The following ASAP2 variants were observed in gnomAD, a reference collection of about 807,000 sequenced individuals.
ASAP2 encodes arf-GAP with SH3 domain, ANK repeat and PH domain-containing protein 2.
ASAP2 carries 45 observed loss-of-function variants against 131.4 expected under a neutral mutation model. The observed-to-expected ratio is 0.34, with a 90% CI of 0.27 to 0.44. The LOEUF (loss-of-function observed/expected upper bound fraction) is 0.44. Among genes scored for constraint, ASAP2 ranks in the 20% least tolerant of loss-of-function variants. The pLI, the probability that ASAP2 is intolerant of heterozygous loss-of-function variation, is 1.00. For missense variants in ASAP2, 1,011 were observed against 1,297.0 expected, an observed-to-expected ratio of 0.78 and a Z score of 3.39; for synonymous variants, 510 against 503.0, an observed-to-expected ratio of 1.01 and a Z score of -0.19.
intron 1 of ASAP2, among the ~76,000 whole-genome samples, chr2:9,231,569 G>A (rs186674852): frequency 6.6e-5 from 10 of 152,234 alleles, no homozygotes; most frequent in South Asian, 4.1e-4. Context: ...TGAGATGCCC[G>A]GGTGCCGCCA....
intron 11 of ASAP2, 83 bp from the exon 12 acceptor site, chr2:9,350,725 A>G: frequency 8.6e-7 from 1 of 1,162,564 alleles, no homozygotes; most frequent in Non-Finnish European, 1.2e-6. Context: ...CTGTTGCTGT[A>G]TCTCGTGAGG....
At chr2:9,280,014 A>G (rs1667028472) in intron 2 of ASAP2, among the ~76,000 whole-genome samples, 1 of 152,190 alleles carries the variant, frequency 6.6e-6, no homozygotes, top group South Asian at 2.1e-4. Flanking sequence ...TTAAGTGACT[A>G]TATAGTTTCA....
At chr2:9,324,514 C>T (rs114625827) in intron 6 of ASAP2, among the ~76,000 whole-genome samples, 1,969 of 152,234 alleles carry the variant, frequency 0.013, 41 homozygotes, top group African/African-American at 0.046. Context: ...TGCTGGTGGG[C>T]GCTCTGCAGA....
intron 16 of ASAP2, 55 bp from the exon 17 acceptor site, chr2:9,374,700 C>T (rs899408986): frequency 1.1e-5 from 16 of 1,507,008 alleles, no homozygotes; most frequent in African/African-American, 4.2e-5. Flanking sequence ...AAAGGGAGGC[C>T]GGACGGCGGG....
At chr2:9,345,373 G>A (rs1408146996) in intron 11 of ASAP2, among the ~76,000 whole-genome samples, 2 of 152,032 alleles carry the variant, frequency 1.3e-5, no homozygotes, top group Non-Finnish European at 2.9e-5. Context: ...AAAAAACGGA[G>A]CCCTCTATGT....
chr2:9,337,104 G>A (rs1335266220), intron 9 of ASAP2, among the ~76,000 whole-genome samples: 1 of 152,242 alleles, frequency 6.6e-6, no homozygotes, highest in African/African-American at 2.4e-5. Flanking sequence ...TTTATAGTTT[G>A]TTGTTTTTTG....
intron 16 of ASAP2, 116 bp downstream of exon 16, chr2:9,368,635 TA>T: frequency 1.3e-6 from 1 of 795,468 alleles, no homozygotes; most frequent in Non-Finnish European, 2.1e-6. Context: ...CTTTAGGGAA[TA>T]AATCAGCCTA....
In ASAP2 at chr2:9,343,995, A is replaced by G. The variant is rs778282609; in HGVS notation, c.850-537A>G. Among the ~76,000 whole-genome samples, 6 of 152,308 alleles carry G rather than the reference A, an allele frequency of 3.9e-5. No individual in the cohort carries two copies. In the South Asian group the frequency reaches 1.0e-3, roughly 26 times the overall value. ...GAGGGAGGAAGTGAAGATTTTTGCA[A>G]TACTTGTTGATGTTCACATGTGTGA... On this transcript the variant is annotated intron_variant, in intron 9 of 27. Coordinates refer to ENST00000281419, the MANE Select transcript of ASAP2 (RefSeq NM_003887.3).
rs115054112 is a variant in ASAP2 at position 9,221,386 on chromosome 2, A to G, written c.126+14156A>G. On this transcript the variant is annotated intron_variant, in intron 1 of 27. Transcript: ENST00000281419. ...GCCCAGGCTGGAGTGCAATGGTGCA[A>G]TCTTGGCTCACTGCAACATTGGCCT... Among the ~76,000 whole-genome samples the G allele has an allele frequency of 2.4e-3, 360 of 148,964 alleles. 2 individuals are homozygous for G. The highest frequency in any genetic ancestry group is 8.6e-3 in the African/African-American group (348 of 40,298).
At chr2:9,333,077 T>A (rs1056112383) in intron 7 of ASAP2, among the ~76,000 whole-genome samples, 3 of 152,236 alleles carry the variant, frequency 2.0e-5, no homozygotes, top group Admixed American at 6.5e-5. Context: ...CGGCGCCTTC[T>A]GTGTGTGACG....
At chr2:9,226,709 G>C (rs1184752186) in intron 1 of ASAP2, among the ~76,000 whole-genome samples, 1 of 152,222 alleles carries the variant, frequency 6.6e-6, no homozygotes, top group East Asian at 1.9e-4. Context: ...TTGGGAAACA[G>C]GTCACAGGGA....
Position 9,376,976 on chromosome 2 carries a change from C to T in ASAP2, c.1815C>T (p.Asp605=). 6.2e-7 allele frequency: 1 copy of T among 1,613,862 alleles called. No homozygotes were observed. Among genetic ancestry groups the T allele is most frequent in the Non-Finnish European group, 8.5e-7 (1 of 1,179,826 alleles). The change falls in exon 18 of 28, where the codon GAC becomes GAT. Residue 605 remains aspartate, a synonymous_variant. Transcript: ENST00000281419. ...ATCGAACCTCTCTTCACATTGTAGA[C>T]TTTTTAGTTCAGAACAGGTAGGTGT... ...SVDRTSLHIV[D]FLVQNSGNLD... is the part of the protein sequence containing the mutation.
chr2:9,264,343 G>A (rs1055299544), intron 1 of ASAP2, among the ~76,000 whole-genome samples: 1 of 152,124 alleles, frequency 6.6e-6, no homozygotes, highest in African/African-American at 2.4e-5. Flanking sequence ...CCAGAGACTG[G>A]GGGGGCCCGT....
At chr2:9,289,199 C>G (rs1049229962) in intron 2 of ASAP2, among the ~76,000 whole-genome samples, 1 of 152,240 alleles carries the variant, frequency 6.6e-6, no homozygotes, top group East Asian at 1.9e-4. Flanking sequence ...TTCCTCATCT[C>G]TGGCTCCTGC....
intron 1 of ASAP2, among the ~76,000 whole-genome samples, chr2:9,231,474 C>T (rs910051279): frequency 1.2e-4 from 19 of 152,242 alleles, no homozygotes; most frequent in African/African-American, 3.9e-4. Context: ...GCTACCCGTT[C>T]GCTGAGATGC....
rs761174674 is a variant in ASAP2 at position 9,323,265 on chromosome 2, A to G, written c.600+15A>G. The G allele has an allele frequency of 3.7e-6, 6 of 1,613,992 alleles. No individual in the cohort carries two copies. Among genetic ancestry groups the G allele is most frequent in the East Asian group, 2.2e-5 (1 of 44,878 alleles). Reference sequence around the variant, plus strand: ...AGATGTGCGAGGTAAGGCGGTGGTGAAGGCAGGTCCTACAGCCCAGGCTGT... The same window carrying G: ...AGATGTGCGAGGTAAGGCGGTGGTGGAGGCAGGTCCTACAGCCCAGGCTGT... On this transcript the variant is annotated intron_variant, in intron 6 of 27. Coordinates refer to ENST00000281419, the MANE Select transcript of ASAP2 (RefSeq NM_003887.3).
At chr2:9,341,627 G>A (rs1031122248) in intron 9 of ASAP2, among the ~76,000 whole-genome samples, 2 of 152,084 alleles carry the variant, frequency 1.3e-5, no homozygotes, top group African/African-American at 2.4e-5. Flanking sequence ...ATCAATAGAC[G>A]TATTTCTTGG....
At chr2:9,327,951 A>G (rs1482114458) in intron 7 of ASAP2, 40 bp downstream of exon 7, 1 of 1,451,416 alleles carries the variant, frequency 6.9e-7, no homozygotes, top group East Asian at 2.5e-5. Context: ...ATGTTTGTTC[A>G]TGTGTGGCAA....
At chr2:9,401,729 G>T (rs576405205) in intron 27 of ASAP2, among the ~76,000 whole-genome samples, 11 of 152,368 alleles carry the variant, frequency 7.2e-5, no homozygotes, top group African/African-American at 2.6e-4. Flanking sequence ...TCGGGTGTCT[G>T]GAGAGAGCTG....
Sources: allele counts gnomAD v4.1 joint callset (sites outside exome capture counted in the v4.1 genomes callset), GRCh38; gene constraint gnomAD v4.1.1; transcripts MANE v1.5; gene names NCBI Gene and HGNC (gene_info 2026-07-23, HGNC 2026-07-21).